The following PAM variants were observed in gnomAD, a reference collection of about 807,000 sequenced individuals.
The protein encoded by PAM is peptidyl-glycine alpha-amidating monooxygenase.
PAM carries 72 observed loss-of-function variants against 122.1 expected under a neutral mutation model. That is an observed-to-expected ratio of 0.59 (90% confidence interval 0.49 to 0.72). PAM has a LOEUF of 0.72. PAM is among the 30% of genes least tolerant of loss of function. PAM has a pLI of 0.00. For missense variants in PAM, 1,106 were observed against 1,183.7 expected (o/e 0.93, Z 0.96); for synonymous variants, 389 against 404.4 (o/e 0.96, Z 0.46).
At chr5:103,019,036 T>C (rs571097517) in intron 22 of PAM, among the ~76,000 whole-genome samples, 1 of 152,172 alleles carries the variant, frequency 6.6e-6, no homozygotes. Flanking sequence ...CACCTCCTGC[T>C]GTGCGTTCCA....
intron 1 of PAM, among the ~76,000 whole-genome samples, chr5:102,772,808 C>T (rs1756170306): frequency 6.6e-6 from 1 of 152,050 alleles, no homozygotes. Flanking sequence ...ATTTTGGGTT[C>T]ATCTATAGTT....
intron 20 of PAM, among the ~76,000 whole-genome samples, chr5:103,007,964 G>C (rs931240306): frequency 1.3e-5 from 2 of 151,944 alleles, no homozygotes; most frequent in Non-Finnish European, 1.5e-5. Flanking sequence ...ATTAATATTT[G>C]TCTTCACACA....
At chr5:102,779,277 T>C (rs558223746) in intron 1 of PAM, among the ~76,000 whole-genome samples, 1 of 151,462 alleles carries the variant, frequency 6.6e-6, no homozygotes, top group Admixed American at 6.6e-5. Context: ...CTAACTTTAA[T>C]ATAAAAGAGC....
chr5:102,983,480 GA>G (rs1562129930), intron 15 of PAM, among the ~76,000 whole-genome samples: 4 of 147,186 alleles, frequency 2.7e-5, no homozygotes, highest in Non-Finnish European at 4.5e-5. Flanking sequence ...ATTTTAAAAA[GA>G]AAAAAAATAT....
At chr5:102,902,478 G>A (rs535079932) in intron 4 of PAM, among the ~76,000 whole-genome samples, 60 of 151,600 alleles carry the variant, frequency 4.0e-4, no homozygotes, top group Middle Eastern at 3.4e-3. Flanking sequence ...ATGTTGTTTT[G>A]TATAATATTT....
chr5:102,770,900 TC>T (rs1009020259), intron 1 of PAM, among the ~76,000 whole-genome samples: 13 of 152,100 alleles, frequency 8.5e-5, no homozygotes, highest in South Asian at 8.3e-4. Context: ...GTTAATAATT[TC>T]CCCCAAATAC....
intron 7 of PAM, among the ~76,000 whole-genome samples, chr5:102,941,098 T>C (rs1184849976): frequency 6.6e-6 from 1 of 152,230 alleles, no homozygotes; most frequent in Non-Finnish European, 1.5e-5. Flanking sequence ...ACTCATATTT[T>C]TTTGCATTCA....
At chr5:102,909,240 A>G (rs1450131569) in intron 4 of PAM, among the ~76,000 whole-genome samples, 1 of 151,858 alleles carries the variant, frequency 6.6e-6, no homozygotes, top group Non-Finnish European at 1.5e-5. Context: ...GAGGCTTCCT[A>G]TGCCTGCCTC....
chr5:103,002,013 C>T lies in PAM; in HGVS notation c.1614-1020C>T, dbSNP rs905614015. Among the ~76,000 whole-genome samples, 6 of 152,012 alleles carry T rather than the reference C, an allele frequency of 3.9e-5. No individual in the cohort carries two copies. The East Asian group carries it at 1.2e-3, about 29-fold the overall frequency. ...TGATATGTATATTTATAAACACACACACATACACACCCACACACACACATA... is the reference window on the plus strand; with the variant it reads ...TGATATGTATATTTATAAACACACATACATACACACCCACACACACACATA... On this transcript the variant is annotated intron_variant, in intron 16 of 25. Transcript: ENST00000438793.
At chr5:102,776,649 T>C (rs1432822356) in intron 1 of PAM, among the ~76,000 whole-genome samples, 2 of 151,966 alleles carry the variant, frequency 1.3e-5, no homozygotes, top group African/African-American at 2.4e-5. Flanking sequence ...CTTTAAAAAA[T>C]TGTGGTAAAG....
At chr5:102,882,250 C>A (rs905702838) in intron 3 of PAM, among the ~76,000 whole-genome samples, 1 of 150,692 alleles carries the variant, frequency 6.6e-6, no homozygotes, top group East Asian at 2.0e-4. Flanking sequence ...AGTGGGATTG[C>A]TGGATCAAAT....
chr5:102,803,548 G>C (rs1765449884), intron 1 of PAM, among the ~76,000 whole-genome samples: 1 of 152,170 alleles, frequency 6.6e-6, no homozygotes, highest in Admixed American at 6.5e-5. Context: ...GTGAGGAGCA[G>C]ATTGGGGCAT....
chr5:102,772,743 G>A (rs1190090664), intron 1 of PAM, among the ~76,000 whole-genome samples: 1 of 152,042 alleles, frequency 6.6e-6, no homozygotes. Context: ...TACAATTTGA[G>A]AAATTACATT....
chr5:102,912,786 A>G (rs1801806464), intron 4 of PAM, among the ~76,000 whole-genome samples: 2 of 152,030 alleles, frequency 1.3e-5, no homozygotes, highest in South Asian at 4.1e-4. Flanking sequence ...TTAAATGATG[A>G]CATGAAAACT....
At chr5:102,874,176 C>T (rs1326822993) in intron 3 of PAM, among the ~76,000 whole-genome samples, 1 of 152,122 alleles carries the variant, frequency 6.6e-6, no homozygotes, top group African/African-American at 2.4e-5. Flanking sequence ...GTGACACATT[C>T]ATTCTTTTTT....
chr5:102,889,100 A>G (rs531400664), intron 3 of PAM, among the ~76,000 whole-genome samples: 5 of 151,964 alleles, frequency 3.3e-5, no homozygotes, highest in Non-Finnish European at 5.9e-5. Flanking sequence ...GATGTATTTT[A>G]TGTGCTGGAT....
intron 12 of PAM, among the ~76,000 whole-genome samples, chr5:102,954,971 T>C (rs534984424): frequency 2.6e-5 from 4 of 152,246 alleles, no homozygotes; most frequent in Admixed American, 1.3e-4. Flanking sequence ...TAAAGTTACA[T>C]GATAAATAAC....
At chr5:102,941,484 A>G (rs1390375339) in intron 7 of PAM, among the ~76,000 whole-genome samples, 2 of 152,210 alleles carry the variant, frequency 1.3e-5, no homozygotes, top group Non-Finnish European at 2.9e-5. Flanking sequence ...AGCCTCCAGG[A>G]AAACCTCAGT....
intron 1 of PAM, among the ~76,000 whole-genome samples, chr5:102,795,337 T>C (rs1763141719): frequency 6.6e-6 from 1 of 152,066 alleles, no homozygotes; most frequent in Admixed American, 6.6e-5. Context: ...ACTCAAAAAT[T>C]ACTATTGAGA....
Sources: allele counts gnomAD v4.1 joint callset (sites outside exome capture counted in the v4.1 genomes callset), GRCh38; gene constraint gnomAD v4.1.1; transcripts MANE v1.5; gene names NCBI Gene and HGNC (gene_info 2026-07-23, HGNC 2026-07-21).